TKT: variants seen among roughly 807,000 people sequenced by gnomAD.
TKT encodes the protein epididymis luminal protein 107.
TKT carries 47 observed loss-of-function variants against 63.9 expected under a neutral mutation model. That is an observed-to-expected ratio of 0.74 (90% confidence interval 0.58 to 0.94). The LOEUF is 0.94. TKT is among the 40% of genes least tolerant of loss of function. TKT has a pLI of 0.00. For missense variants in TKT, 721 were observed against 846.2 expected, an observed-to-expected ratio of 0.85 and a Z score of 1.84; for synonymous variants, 338 against 334.1, an observed-to-expected ratio of 1.01 and a Z score of -0.13.
At chr3:53,255,166 C>A (rs1705931269) in intron 1 of TKT, among the ~76,000 whole-genome samples, 1 of 152,258 alleles carries the variant, frequency 6.6e-6, no homozygotes, top group African/African-American at 2.4e-5. Flanking sequence ...AGCCCCGCCG[C>A]TGCCTGGCGT....
chr3:53,255,099 T>A (rs1553682092), intron 1 of TKT, among the ~76,000 whole-genome samples: 1 of 152,224 alleles, frequency 6.6e-6, no homozygotes, highest in Admixed American at 6.5e-5. Context: ...CTTTTCACAA[T>A]GGATCCCAGG....
chr3:53,247,954 C>T (rs1244428351), intron 1 of TKT, among the ~76,000 whole-genome samples: 1 of 152,178 alleles, frequency 6.6e-6, no homozygotes, highest in Non-Finnish European at 1.5e-5. Context: ...AGCTTTGGGC[C>T]TTTCACTGTT....
At chr3:53,242,303 G>T in intron 1 of TKT, 61 bp from the exon 2 acceptor site, 1 of 1,534,250 alleles carries the variant, frequency 6.5e-7, no homozygotes, top group Non-Finnish European at 9.0e-7. Flanking sequence ...GAGCTATTGT[G>T]CTCAGCTGTA....
At chr3:53,229,887 G>A (rs1390459685) in intron 8 of TKT, among the ~76,000 whole-genome samples, 11 of 152,176 alleles carry the variant, frequency 7.2e-5, no homozygotes, top group Non-Finnish European at 1.3e-4. Flanking sequence ...GAAGCTCCCT[G>A]TCCCTAGGGG....
intron 4 of TKT, chr3:53,237,655 G>C (rs1445056992): frequency 6.6e-6 from 1 of 152,292 alleles, no homozygotes; most frequent in African/African-American, 2.4e-5. Flanking sequence ...GGGTGCAGTG[G>C]CTCATGCCTG....
intron 4 of TKT, among the ~76,000 whole-genome samples, chr3:53,239,904 G>T (rs1312960600): frequency 6.6e-6 from 1 of 152,156 alleles, no homozygotes; most frequent in Non-Finnish European, 1.5e-5. Context: ...GAGACTTCTG[G>T]GGTCTGGGCA....
At chr3:53,245,888 C>G (rs577871043) in intron 1 of TKT, among the ~76,000 whole-genome samples, 12 of 152,124 alleles carry the variant, frequency 7.9e-5, no homozygotes, top group African/African-American at 2.9e-4. Flanking sequence ...GATCAGTAGC[C>G]GAAGATGCAC....
intron 5 of TKT, 140 bp downstream of exon 5, chr3:53,234,843 T>G (rs1329686275): frequency 4.8e-6 from 4 of 829,144 alleles, no homozygotes; most frequent in Admixed American, 6.6e-5. Context: ...TTTGAAATTG[T>G]GAGTCAAATG....
At chr3:53,226,256 ATGTT>A (rs1704494385) in intron 13 of TKT, 1 of 282,634 alleles carries the variant, frequency 3.5e-6, no homozygotes, top group East Asian at 7.2e-5. Context: ...TGGCCTCTAA[ATGTT>A]TGTTTCAAAC....
intron 1 of TKT, among the ~76,000 whole-genome samples, chr3:53,248,965 TTTTA>T (rs782364288): frequency 6.6e-6 from 1 of 152,044 alleles, no homozygotes; most frequent in Non-Finnish European, 1.5e-5. Flanking sequence ...TTGTTTTTAT[TTTTA>T]TTTATTTATT....
chr3:53,243,636 G>A (rs542323396), intron 1 of TKT: 3 of 456,522 alleles, frequency 6.6e-6, no homozygotes, highest in African/African-American at 4.0e-5. Context: ...AAAGAGGGAG[G>A]GGAGGACATG....
chr3:53,231,614 G>A (rs970618539), intron 6 of TKT, 64 bp from the exon 7 acceptor site: 51 of 1,521,412 alleles, frequency 3.4e-5, no homozygotes, highest in Non-Finnish European at 4.3e-5. Flanking sequence ...GGGCCAGGAG[G>A]CTGCTCCAGG....
chr3:53,235,313 TC>T, intron 4 of TKT, 139 bp from the exon 5 acceptor site: 2 of 703,770 alleles, frequency 2.8e-6, no homozygotes, highest in Admixed American at 7.3e-5. Flanking sequence ...GCATTTACAC[TC>T]GAGGGGCAAC....
Position 53,226,816 on chromosome 3 carries a change from G to T in TKT, c.1636C>A (p.Leu546Ile), listed in dbSNP as rs782581923. Residue 546 changes from leucine to isoleucine, a missense_variant, in exon 13 of 14, where the codon CTC (leucine) becomes ATC (isoleucine). Coordinates refer to ENST00000462138, the MANE Select transcript of TKT (RefSeq NM_001064.4). The part of the protein sequence containing the change: ...TIKPLDRKLI[L>I]DSARATKGRI... ...CCCTTGGTGGCACGAGCGCTGTCGAGAATGAGTTTTCTGTCCAGGGGCTTG... is the reference window on the plus strand; with the variant it reads ...CCCTTGGTGGCACGAGCGCTGTCGATAATGAGTTTTCTGTCCAGGGGCTTG... 6.2e-7 allele frequency: 1 copy of T among 1,614,100 alleles called. No homozygotes were observed. Among genetic ancestry groups the T allele is most frequent in the Admixed American group, 1.7e-5 (1 of 60,004 alleles).
At chr3:53,250,213 G>A (rs1452254922) in intron 1 of TKT, among the ~76,000 whole-genome samples, 1 of 152,214 alleles carries the variant, frequency 6.6e-6, no homozygotes, top group Non-Finnish European at 1.5e-5. Flanking sequence ...TCAGGGCCAG[G>A]ATGGGTCCTG....
At chr3:53,242,474 T>C (rs1207661511) in intron 1 of TKT, among the ~76,000 whole-genome samples, 3 of 152,222 alleles carry the variant, frequency 2.0e-5, no homozygotes, top group African/African-American at 7.2e-5. Flanking sequence ...CTGTTGTACC[T>C]TTCCAGGGGC....
intron 1 of TKT, among the ~76,000 whole-genome samples, chr3:53,248,253 G>C (rs969505232): frequency 2.0e-5 from 3 of 152,234 alleles, no homozygotes; most frequent in Non-Finnish European, 4.4e-5. Flanking sequence ...CCTGCCAGCA[G>C]CAGAGCTAGG....
At chr3:53,236,516 G>A (rs1553678656) in intron 4 of TKT, among the ~76,000 whole-genome samples, 1 of 152,218 alleles carries the variant, frequency 6.6e-6, no homozygotes, top group Admixed American at 6.5e-5. Flanking sequence ...TCCTGTCCCA[G>A]CCTTGCCTCC....
At position 53,231,504 on chromosome 3, in the gene TKT, G is replaced by A. The variant is rs1559648187; in HGVS notation, c.795C>T (p.Asn265=). 2 of 1,614,132 alleles carry A rather than the reference G, an allele frequency of 1.2e-6. No homozygotes were observed. Among genetic ancestry groups the A allele is most frequent in the Admixed American group, 3.3e-5 (2 of 60,002 alleles). Residue 265 remains asparagine (N), a synonymous_variant, in exon 7 of 14, where the codon AAC becomes AAT. Transcript: ENST00000462138. ...ESWHGKPLPK[N]MAEQIIQEIY... is the part of the protein sequence containing the mutation. ...TCTCCTGGATGATCTGCTCAGCCAT[G>A]TTTTTGGGGAGGGGCTTCCCATGCC...
Sources: allele counts gnomAD v4.1 joint callset (sites outside exome capture counted in the v4.1 genomes callset), GRCh38; gene constraint gnomAD v4.1.1; transcripts MANE v1.5; gene names NCBI Gene and HGNC (gene_info 2026-07-23, HGNC 2026-07-21).